CYSLTR1: variants seen among roughly 807,000 people sequenced by gnomAD.
CYSLTR1 encodes cysteinyl leukotriene receptor 1.
Under a neutral mutation model 2.1 loss-of-function variants are expected in CYSLTR1, and 1 was observed. That is an observed-to-expected ratio of 0.48 (90% CI 0.17 to 2.28). The LOEUF (loss-of-function observed/expected upper bound fraction) is 2.28, where lower values mean the gene tolerates loss of function less well. CYSLTR1 is among the 30% of genes most tolerant of loss of function. CYSLTR1 has a pLI of 0.26. For missense variants in CYSLTR1, 299 were observed against 250.1 expected (o/e 1.20, Z -1.32); for synonymous variants, 110 against 89.6 (o/e 1.23, Z -1.28).
chrX:78,272,996 T>A lies in CYSLTR1; in HGVS notation c.751A>T (p.Ile251Phe), dbSNP rs200446566. The change falls in exon 3 of 3, where the codon ATT becomes TTT. Residue 251 changes from isoleucine (I) to phenylalanine (F), a missense_variant. Physicochemically the swap from Ile to Phe is conservative, Grantham distance 21 (BLOSUM62 0). Transcript: ENST00000373304. ...AFLVSFMPYH[I>F]QRTIHLHFLH... is the part of the protein sequence containing the mutation. ...AAATGAAGGTGAATGGTACGTTGAA[T>A]ATGATATGGCATGAAACTGACTAAA... 8.3e-7 allele frequency: 1 copy of A among 1,211,787 alleles called. No individual in the cohort carries two copies. The highest frequency in any genetic ancestry group is 1.1e-6 in the Non-Finnish European group (1 of 895,481).
chrX:78,322,031 G>A (rs1392533540), intron 1 of CYSLTR1, among the ~76,000 whole-genome samples: 3 of 111,441 alleles, frequency 2.7e-5, no homozygotes, highest in Admixed American at 1.9e-4. Flanking sequence ...AGGAAGTGGG[G>A]AGGCTGGGAC....
At chrX:78,322,498 T>C (rs1243313821) in intron 1 of CYSLTR1, among the ~76,000 whole-genome samples, 1 of 111,915 alleles carries the variant, frequency 8.9e-6, no homozygotes, top group African/African-American at 3.3e-5. Context: ...TGAGTGATTG[T>C]TTATTGATTG....
chrX:78,313,001 T>G (rs1402486288), intron 1 of CYSLTR1, among the ~76,000 whole-genome samples: 2 of 111,744 alleles, frequency 1.8e-5, no homozygotes, highest in Non-Finnish European at 3.8e-5. Context: ...CTATCAAAAA[T>G]ACATCCATGC....
chrX:78,274,225 C>G (rs751136219), intron 2 of CYSLTR1, among the ~76,000 whole-genome samples: 10 of 111,105 alleles, frequency 9.0e-5, no homozygotes, highest in Non-Finnish European at 1.9e-4. Context: ...GGATGAAAAT[C>G]CTTGGCTCCC....
intron 1 of CYSLTR1, among the ~76,000 whole-genome samples, chrX:78,311,214 G>A (rs751054434): frequency 1.2e-4 from 13 of 111,200 alleles, no homozygotes; most frequent in Admixed American, 6.7e-4. Flanking sequence ...TGAAAGATTG[G>A]TGGAGGTTGG....
intron 1 of CYSLTR1, among the ~76,000 whole-genome samples, chrX:78,288,975 T>A (rs757714562): frequency 3.6e-5 from 4 of 110,242 alleles, no homozygotes; most frequent in East Asian, 2.8e-4. Context: ...TTTTTTTTTT[T>A]AATTATACTT....
At chrX:78,298,355 T>A (rs922402049) in intron 1 of CYSLTR1, among the ~76,000 whole-genome samples, 3 of 111,824 alleles carry the variant, frequency 2.7e-5, no homozygotes, top group Non-Finnish European at 5.7e-5. Flanking sequence ...CTGCAGCTCT[T>A]GGATGAAATA....
chrX:78,295,696 C>T (rs773311975), intron 1 of CYSLTR1, among the ~76,000 whole-genome samples: 3 of 111,205 alleles, frequency 2.7e-5, no homozygotes, highest in African/African-American at 6.5e-5. Context: ...TGTCTTCTTT[C>T]GAGAAATGTC....
intron 1 of CYSLTR1, among the ~76,000 whole-genome samples, chrX:78,305,589 T>C (rs1341016116): frequency 1.8e-5 from 2 of 112,269 alleles, no homozygotes; most frequent in Non-Finnish European, 3.8e-5. Flanking sequence ...TAGAAGATGA[T>C]CCTAAGATTT....
chrX:78,310,784 G>A (rs769820837), intron 1 of CYSLTR1, among the ~76,000 whole-genome samples: 2 of 111,344 alleles, frequency 1.8e-5, no homozygotes, highest in South Asian at 3.8e-4. Context: ...GAATGGAGGT[G>A]TGAAGTAGCC....
chrX:78,287,687 G>T (rs191665760), intron 1 of CYSLTR1, among the ~76,000 whole-genome samples: 2 of 111,757 alleles, frequency 1.8e-5, no homozygotes, highest in East Asian at 5.6e-4. Flanking sequence ...TCCATACTGT[G>T]TTATTCCATT....
At chrX:78,325,783 C>T (rs1356122117) in intron 1 of CYSLTR1, among the ~76,000 whole-genome samples, 1 of 111,954 alleles carries the variant, frequency 8.9e-6, no homozygotes, top group Non-Finnish European at 1.9e-5. Flanking sequence ...TGGGTATGTA[C>T]CTTAAGAATC....
At chrX:78,319,513 A>G (rs1923556218) in intron 1 of CYSLTR1, 1 of 109,966 alleles carries the variant, frequency 9.1e-6, no homozygotes, top group East Asian at 2.9e-4. Flanking sequence ...CCAGTCTATC[A>G]TTGTTGGACA....
intron 1 of CYSLTR1, among the ~76,000 whole-genome samples, chrX:78,288,232 A>G (rs1367232937): frequency 9.0e-6 from 1 of 110,895 alleles, no homozygotes; most frequent in African/African-American, 3.3e-5. Flanking sequence ...GCCAACACAT[A>G]TACCATACAA....
chrX:78,281,773 C>A, intron 2 of CYSLTR1, among the ~76,000 whole-genome samples: 1 of 112,217 alleles, frequency 8.9e-6, no homozygotes. Context: ...ATGAGCCACA[C>A]TTGAAAGGTA....
At chrX:78,298,400 A>G (rs1389674126) in intron 1 of CYSLTR1, among the ~76,000 whole-genome samples, 1 of 111,631 alleles carries the variant, frequency 9.0e-6, no homozygotes, top group Non-Finnish European at 1.9e-5. Context: ...TTTAGTGTGT[A>G]GTGCAGATTA....
At position 78,283,495 on chromosome X, in the gene CYSLTR1, A is replaced by G. The variant is rs200113606; in HGVS notation, c.-69T>C. 1 of 112,415 alleles carries G rather than the reference A, an allele frequency of 8.9e-6. No homozygotes were observed. The highest frequency in any genetic ancestry group is 3.7e-4 in the South Asian group (1 of 2,720). 9.3% of individuals were successfully genotyped at this position (112,415 alleles called of 1,213,427 possible). A position where few individuals can be genotyped will look rare whatever the true frequency, so the allele number is the denominator to read the frequency against. ...AGTACCTTCACAAATGTTCCTTCTTATGGTGATCAATGCCTTTTACGGTGT... is the reference window on the plus strand; with the variant it reads ...AGTACCTTCACAAATGTTCCTTCTTGTGGTGATCAATGCCTTTTACGGTGT... On this transcript the variant is annotated 5_prime_UTR_variant, in exon 2 of 3. Transcript: ENST00000373304.
At chrX:78,309,841 A>G (rs1032177390) in intron 1 of CYSLTR1, among the ~76,000 whole-genome samples, 10 of 111,774 alleles carry the variant, frequency 8.9e-5, no homozygotes, top group Non-Finnish European at 3.8e-5. Context: ...TTAGTGGCAG[A>G]GTAAAGACAA....
chrX:78,281,145 T>C (rs1392346852), intron 2 of CYSLTR1, among the ~76,000 whole-genome samples: 1 of 111,913 alleles, frequency 8.9e-6, no homozygotes, highest in African/African-American at 3.2e-5. Context: ...TTTTTAGCTC[T>C]TTGAGGAATT....
Sources: allele counts gnomAD v4.1 joint callset (sites outside exome capture counted in the v4.1 genomes callset), GRCh38; gene constraint gnomAD v4.1.1; transcripts MANE v1.5; gene names NCBI Gene and HGNC (gene_info 2026-07-23, HGNC 2026-07-21).